Variants in CLASP2 observed in about 807,000 individuals in gnomAD.
CLASP2 encodes the protein CLIP-associating protein 2.
Under a neutral mutation model 194.4 loss-of-function variants are expected in CLASP2, and 47 were observed. The ratio of observed to expected loss-of-function variants is 0.24; its 90% CI spans 0.19 to 0.31. CLASP2 has a LOEUF of 0.31. Ranked by LOEUF, CLASP2 falls within the 10% of genes least tolerant of loss-of-function variation. The pLI, the probability that CLASP2 is intolerant of heterozygous loss-of-function variation, is 1.00. For missense variants in CLASP2, 1,445 were observed against 1,823.6 expected, an observed-to-expected ratio of 0.79 and a Z score of 3.78; for synonymous variants, 619 against 633.5, an observed-to-expected ratio of 0.98 and a Z score of 0.34.
intron 26 of CLASP2, among the ~76,000 whole-genome samples, chr3:33,570,153 A>G (rs2063475207): frequency 1.4e-5 from 2 of 144,650 alleles, no homozygotes; most frequent in Admixed American, 1.5e-4. Flanking sequence ...GTACACATGC[A>G]CATTACATAT....
rs779892212 is a variant in CLASP2 at position 33,606,790 on chromosome 3, A to G, written c.1527-32T>C. 8.8e-6 allele frequency: 13 copies of G among 1,480,082 alleles called. No individual in the cohort carries two copies. In the East Asian group the frequency reaches 1.6e-4, roughly 18 times the overall value. The allele number at this position is 1,480,082 out of a possible 1,614,324, so 91.7% of individuals were successfully genotyped here. A position where few individuals can be genotyped will look rare whatever the true frequency, so the allele number is the denominator to read the frequency against. On this transcript the variant is annotated intron_variant, in intron 15 of 38. Transcript: ENST00000682230. ...AAAAAAAAGAAAAGCAGATGAAGTA[A>G]TAGCTTTACATAATTAGACATTAAC...
At chr3:33,716,645 C>T (rs2093314990) in intron 1 of CLASP2, among the ~76,000 whole-genome samples, 1 of 152,222 alleles carries the variant, frequency 6.6e-6, no homozygotes, top group Non-Finnish European at 1.5e-5. Context: ...AAGAAATAAT[C>T]TCCCAAATGG....
At chr3:33,511,605 A>G (rs376449532) in intron 36 of CLASP2, among the ~76,000 whole-genome samples, 1 of 152,192 alleles carries the variant, frequency 6.6e-6, no homozygotes, top group East Asian at 1.9e-4. Context: ...TTCTGTATTG[A>G]GCTTGGGGAG....
intron 30 of CLASP2, among the ~76,000 whole-genome samples, chr3:33,550,075 C>T (rs2059760264): frequency 6.6e-6 from 1 of 151,822 alleles, no homozygotes; most frequent in South Asian, 2.1e-4. Context: ...GGAAATAATT[C>T]ACCAGAAAAG....
chr3:33,559,850 C>T (rs1277645858), intron 28 of CLASP2, among the ~76,000 whole-genome samples: 3 of 151,974 alleles, frequency 2.0e-5, no homozygotes, highest in Non-Finnish European at 2.9e-5. Flanking sequence ...GCCGAGATTG[C>T]GCCATTGCAC....
intron 4 of CLASP2, 132 bp downstream of exon 4, chr3:33,688,145 T>C: frequency 1.7e-6 from 1 of 589,908 alleles, no homozygotes; most frequent in Non-Finnish European, 2.9e-6. Flanking sequence ...ACAGTAAAGG[T>C]ATCAAATGAA....
At chr3:33,711,855 A>C (rs2093029513) in intron 1 of CLASP2, among the ~76,000 whole-genome samples, 1 of 152,140 alleles carries the variant, frequency 6.6e-6, no homozygotes, top group Non-Finnish European at 1.5e-5. Flanking sequence ...GAATGGCCAT[A>C]ATTAAAGAGT....
At chr3:33,527,394 C>T (rs955460306) in intron 34 of CLASP2, among the ~76,000 whole-genome samples, 16 of 152,100 alleles carry the variant, frequency 1.1e-4, no homozygotes, top group Non-Finnish European at 1.2e-4. Context: ...GACACATACA[C>T]CCTCCCAAAA....
chr3:33,584,716 C>T, intron 22 of CLASP2, 34 bp downstream of exon 22: 5 of 1,424,404 alleles, frequency 3.5e-6, no homozygotes, highest in South Asian at 1.5e-5. Context: ...AAAAGGGTTA[C>T]ATGTCTCACA....
chr3:33,529,670 C>G lies in CLASP2; in HGVS notation c.3787+5563G>C, dbSNP rs559179261. 4.6e-5 allele frequency among the ~76,000 whole-genome samples: 7 copies of G among 152,284 alleles called. No homozygotes were observed. The South Asian group carries it at 1.5e-3, about 32-fold the overall frequency. On this transcript the variant is annotated intron_variant, in intron 34 of 38. Transcript: ENST00000682230. Reference sequence around the variant, plus strand: ...CAAGATCAACTTCACTGTCTTCCACCTCCACATCTTGTCCCACTAAAAGAT... The same window carrying G: ...CAAGATCAACTTCACTGTCTTCCACGTCCACATCTTGTCCCACTAAAAGAT...
intron 21 of CLASP2, among the ~76,000 whole-genome samples, chr3:33,587,716 A>T (rs1342282680): frequency 6.6e-6 from 1 of 152,234 alleles, no homozygotes. Context: ...TTCAGTTATA[A>T]CCTTAAGGAT....
chr3:33,561,048 C>A (rs2061716895), intron 27 of CLASP2, 77 bp from the exon 28 acceptor site: 1 of 1,259,528 alleles, frequency 7.9e-7, no homozygotes, highest in Non-Finnish European at 1.1e-6. Flanking sequence ...AAAGCGAATA[C>A]AGAAAGGAAC....
At chr3:33,688,212 G>T in intron 4 of CLASP2, 65 bp downstream of exon 4, 1 of 1,254,680 alleles carries the variant, frequency 8.0e-7, no homozygotes, top group Non-Finnish European at 1.1e-6. Context: ...TTGACTTTGT[G>T]AACTGAGGTT....
At position 33,604,223 on chromosome 3, in the gene CLASP2, A is replaced by C; in HGVS notation, c.1695-14T>G. 1 of 1,545,354 alleles carries C rather than the reference A, an allele frequency of 6.5e-7. No homozygotes were observed. The highest frequency in any genetic ancestry group is 8.8e-7 in the Non-Finnish European group (1 of 1,141,088). ...GAAAAAGGGCGACTGCAAAGTATAA[A>C]AAATGCTTTTAGTAAGAAGACAATT... On this transcript the variant is annotated splice_polypyrimidine_tract_variant and intron_variant, in intron 16 of 38. Transcript: ENST00000682230.
At position 33,567,634 on chromosome 3, in the gene CLASP2, T is replaced by C. The variant is rs1223155786; in HGVS notation, c.2764-900A>G. The stretch of plus-strand genomic sequence containing the variant: ...AAAAATTTGATTTTTAAAAAACGTA[T>C]ATATGGTACTTGGTATGTTCTAAGG... On this transcript the variant is annotated intron_variant, in intron 26 of 38. Transcript: ENST00000682230. 2.0e-5 allele frequency among the ~76,000 whole-genome samples: 3 copies of C among 152,198 alleles called. No homozygotes were observed. In the East Asian group the frequency reaches 5.8e-4, roughly 29 times the overall value.
intron 6 of CLASP2, among the ~76,000 whole-genome samples, chr3:33,663,833 C>T (rs1575404926): frequency 6.6e-6 from 1 of 152,190 alleles, no homozygotes; most frequent in East Asian, 1.9e-4. Context: ...TAGTTTCAAC[C>T]TCATAATAAG....
chr3:33,558,067 C>T (rs1248168638), intron 29 of CLASP2, among the ~76,000 whole-genome samples: 1 of 152,230 alleles, frequency 6.6e-6, no homozygotes, highest in South Asian at 2.1e-4. Flanking sequence ...TTTACTTCTT[C>T]CTCTACTCTG....
At chr3:33,568,850 C>G (rs1006086285) in intron 26 of CLASP2, among the ~76,000 whole-genome samples, 2 of 152,060 alleles carry the variant, frequency 1.3e-5, no homozygotes, top group African/African-American at 2.4e-5. Context: ...TCTAAAAATA[C>G]ATTAAAAAGG....
Position 33,548,285 on chromosome 3 carries a change from T to C in CLASP2, c.3153+2967A>G, listed in dbSNP as rs145332669. 1.1e-4 allele frequency among the ~76,000 whole-genome samples: 17 copies of C among 152,220 alleles called. No homozygotes were observed. The East Asian group carries it at 3.3e-3, about 29-fold the overall frequency. ...TTAAAAAAAGTTTTAGAAAATGTTTTATAATTTTTTATTTTTATTTTTATT... is the reference window on the plus strand; with the variant it reads ...TTAAAAAAAGTTTTAGAAAATGTTTCATAATTTTTTATTTTTATTTTTATT... On this transcript the variant is annotated intron_variant, in intron 30 of 38. Transcript: ENST00000682230.
Sources: gnomAD v4.1 joint callset for allele counts (sites outside exome capture counted in the v4.1 genomes callset) on GRCh38, gnomAD v4.1.1 for gene constraint, MANE v1.5 for transcripts, NCBI Gene and HGNC (gene_info 2026-07-23, HGNC 2026-07-21) for gene names.